CNTN1: variants seen among roughly 807,000 people sequenced by gnomAD.
CNTN1 encodes the protein contactin-1.
In CNTN1, 38 loss-of-function variants were observed where a neutral mutation model predicts 126.4. That is an observed-to-expected ratio of 0.30 (90% CI 0.23 to 0.39). CNTN1 has a LOEUF of 0.39. Among genes scored for constraint, CNTN1 ranks in the 10% least tolerant of loss-of-function variants. The pLI, the probability that CNTN1 is intolerant of heterozygous loss-of-function variation, is 1.00. For missense variants in CNTN1, 1,009 were observed against 1,248.4 expected (o/e 0.81, Z 2.89); for synonymous variants, 413 against 422.6 (o/e 0.98, Z 0.28).
chr12:40,954,341 T>C (rs1946794276), intron 14 of CNTN1, among the ~76,000 whole-genome samples: 1 of 151,198 alleles, frequency 6.6e-6, no homozygotes, highest in Non-Finnish European at 1.5e-5. Context: ...GTAATGTTTA[T>C]TTTATTTTAC....
intron 1 of CNTN1, among the ~76,000 whole-genome samples, chr12:40,711,168 G>A (rs1435320909): frequency 6.6e-6 from 1 of 152,078 alleles, no homozygotes; most frequent in Non-Finnish European, 1.5e-5. Context: ...AACATGAAGG[G>A]AAATTTTCTC....
rs534364794 is a variant in CNTN1, at chr12:41,064,326, T to A, written c.2981-5633T>A. On this transcript the variant is annotated intron_variant, in intron 23 of 23. Coordinates refer to ENST00000551295, the MANE Select transcript of CNTN1 (RefSeq NM_001843.4). ...GGGTTCTGTTTCTTAAAACCAAAGA[T>A]CCCTGACTACCATGCTACACAAACA... Among the ~76,000 whole-genome samples the A allele has an allele frequency of 9.2e-5, 14 of 152,218 alleles. No individual in the cohort carries two copies. The South Asian group carries it at 2.9e-3, about 32-fold the overall frequency.
intron 3 of CNTN1, among the ~76,000 whole-genome samples, chr12:40,913,610 A>G (rs982049053): frequency 3.9e-5 from 6 of 152,230 alleles, no homozygotes; most frequent in African/African-American, 1.4e-4. Flanking sequence ...AGTATATAAA[A>G]TGAATACAAA....
chr12:40,963,153 G>A (rs1371010500), intron 15 of CNTN1, among the ~76,000 whole-genome samples: 1 of 152,006 alleles, frequency 6.6e-6, no homozygotes, highest in Admixed American at 6.6e-5. Context: ...CAGGTGTGGT[G>A]GCTCACAACT....
At chr12:41,035,448 C>G (rs1217213551) in intron 23 of CNTN1, among the ~76,000 whole-genome samples, 1 of 152,090 alleles carries the variant, frequency 6.6e-6, no homozygotes, top group Non-Finnish European at 1.5e-5. Flanking sequence ...TGTCTAAACA[C>G]CAACCATATG....
intron 23 of CNTN1, among the ~76,000 whole-genome samples, chr12:41,062,713 A>C (rs1949961473): frequency 6.6e-6 from 1 of 152,202 alleles, no homozygotes; most frequent in Admixed American, 6.5e-5. Flanking sequence ...GACTGCATGA[A>C]TTTTTTAAAA....
intron 1 of CNTN1, among the ~76,000 whole-genome samples, chr12:40,863,366 T>A (rs73120753): frequency 0.023 from 3,451 of 152,292 alleles, 131 homozygotes; most frequent in African/African-American, 0.079. Context: ...AATTCTGTAT[T>A]AGACAGAATA....
intron 1 of CNTN1, among the ~76,000 whole-genome samples, chr12:40,902,919 T>C (rs1437217675): frequency 1.3e-5 from 2 of 152,198 alleles, no homozygotes; most frequent in East Asian, 1.9e-4. Context: ...CCTAGTGTTG[T>C]CTAAAGGAAA....
At chr12:40,776,942 T>C (rs755307309) in intron 1 of CNTN1, among the ~76,000 whole-genome samples, 11 of 151,706 alleles carry the variant, frequency 7.3e-5, no homozygotes, top group Non-Finnish European at 4.4e-5. Context: ...TTTGTTTATC[T>C]TGTATATCCC....
intron 1 of CNTN1, among the ~76,000 whole-genome samples, chr12:40,758,691 T>C (rs1246533060): frequency 6.6e-6 from 1 of 152,126 alleles, no homozygotes; most frequent in Non-Finnish European, 1.5e-5. Context: ...TTTCAACAGT[T>C]ATCAACTCAA....
Position 40,958,224 on chromosome 12 carries a change from G to A in CNTN1, c.1684-890G>A, listed in dbSNP as rs191684429. The stretch of plus-strand genomic sequence containing the variant: ...GGATTCCTTAAGTCTAACTTTTACT[G>A]TTAATCAAATGGATATAATAAGACC... On this transcript the variant is annotated intron_variant, in intron 14 of 23. Coordinates refer to ENST00000551295, the MANE Select transcript of CNTN1 (RefSeq NM_001843.4). 1.3e-3 allele frequency among the ~76,000 whole-genome samples: 195 copies of A among 151,944 alleles called. 1 individual carries two copies. Among genetic ancestry groups the A allele is most frequent in the Non-Finnish European group, 2.5e-3 (169 of 67,932 alleles).
intron 23 of CNTN1, among the ~76,000 whole-genome samples, chr12:41,048,538 G>A (rs1006816117): frequency 9.9e-5 from 15 of 152,012 alleles, no homozygotes; most frequent in South Asian, 2.1e-4. Flanking sequence ...AACACCTCTC[G>A]TTAATTCAAG....
chr12:40,785,361 C>T (rs1162715672), intron 1 of CNTN1, among the ~76,000 whole-genome samples: 1 of 152,034 alleles, frequency 6.6e-6, no homozygotes, highest in Non-Finnish European at 1.5e-5. Context: ...TGGGAGCAGG[C>T]ACGTCACGTG....
chr12:40,912,504 T>C (rs962092774), intron 3 of CNTN1, among the ~76,000 whole-genome samples: 6 of 151,990 alleles, frequency 3.9e-5, no homozygotes, highest in Non-Finnish European at 7.4e-5. Context: ...TGAGAAAAAG[T>C]ATCTTAAAAA....
chr12:41,030,918 C>T (rs1949133108), intron 23 of CNTN1, among the ~76,000 whole-genome samples: 1 of 152,124 alleles, frequency 6.6e-6, no homozygotes, highest in African/African-American at 2.4e-5. Context: ...TAGTTTTACA[C>T]TTAGTGGGCA....
At chr12:40,752,131 T>G (rs1938427444) in intron 1 of CNTN1, among the ~76,000 whole-genome samples, 1 of 152,136 alleles carries the variant, frequency 6.6e-6, no homozygotes, top group African/African-American at 2.4e-5. Context: ...TAATTCTCCT[T>G]GACAACTGTG....
chr12:40,780,444 A>G (rs1240474507), intron 1 of CNTN1, among the ~76,000 whole-genome samples: 2 of 151,952 alleles, frequency 1.3e-5, no homozygotes, highest in Non-Finnish European at 2.9e-5. Flanking sequence ...GTGGGCAGCT[A>G]CAATATGGTT....
intron 1 of CNTN1, among the ~76,000 whole-genome samples, chr12:40,779,566 TA>T (rs1939712968): frequency 6.6e-6 from 1 of 151,838 alleles, no homozygotes; most frequent in African/African-American, 2.4e-5. Flanking sequence ...GAACCTTAAT[TA>T]TAAGTACAGC....
rs183064767 is a variant in CNTN1, at chr12:40,809,956, G to A, written c.-76-98401G>A. On this transcript the variant is annotated intron_variant, in intron 1 of 23. Coordinates refer to ENST00000551295, the MANE Select transcript of CNTN1 (RefSeq NM_001843.4). The stretch of plus-strand genomic sequence containing the variant: ...GTGACACTAATCTCTATTGTTAGTC[G>A]TCAGGATAGTGGCTATCTTTGGGGC... Among the ~76,000 whole-genome samples the A allele has an allele frequency of 3.0e-3, 464 of 152,198 alleles. 6 individuals are homozygous for A. Among genetic ancestry groups the A allele is most frequent in the African/African-American group, 0.011 (437 of 41,512 alleles).
Sources: gnomAD v4.1 joint callset for allele counts (sites outside exome capture counted in the v4.1 genomes callset) on GRCh38, gnomAD v4.1.1 for gene constraint, MANE v1.5 for transcripts, NCBI Gene and HGNC (gene_info 2026-07-23, HGNC 2026-07-21) for gene names.